The following COX7A2 variants were observed in gnomAD, a reference collection of about 807,000 sequenced individuals.
COX7A2 encodes the protein cytochrome c oxidase subunit 7A2, mitochondrial.
In COX7A2, 11 loss-of-function variants were observed where a neutral mutation model predicts 11.6. That is an observed-to-expected ratio of 0.95 (90% CI 0.60 to 1.57). The LOEUF is 1.57. COX7A2 is among the 40% of genes most tolerant of loss of function. The pLI is 0.00. For synonymous variants in COX7A2, 30 were observed against 38.2 expected, an observed-to-expected ratio of 0.78 and a Z score of 0.79; for missense variants, 106 against 100.9, an observed-to-expected ratio of 1.05 and a Z score of -0.22.
chr6:75,238,370 AAG>A (rs1771380323), intron 3 of COX7A2, among the ~76,000 whole-genome samples: 3 of 151,942 alleles, frequency 2.0e-5, no homozygotes, highest in African/African-American at 7.2e-5. Flanking sequence ...TGTAAAAAAA[AAG>A]AGTGATATAA....
rs140545681 is a variant in COX7A2 at position 75,239,032 on chromosome 6, C to T, written c.194-1044G>A. On this transcript the variant is annotated intron_variant, in intron 3 of 3. Transcript: ENST00000684430. The stretch of plus-strand genomic sequence containing the variant: ...GTTTCACCATGTGTGCCAGGCTAGT[C>T]TTGAACTCCTGACCTCAGGTGATCT... Among the ~76,000 whole-genome samples, 854 of 152,272 alleles carry T rather than the reference C, an allele frequency of 5.6e-3. 21 individuals carry two copies. The highest frequency in any genetic ancestry group is 0.044 in the Admixed American group (678 of 15,300).
intron 3 of COX7A2, among the ~76,000 whole-genome samples, chr6:75,238,318 GA>G (rs879502350): frequency 7.2e-4 from 109 of 151,104 alleles, no homozygotes; most frequent in Non-Finnish European, 1.3e-3. Flanking sequence ...AAATGCCAAA[GA>G]AAAAAAGAGT....
rs766705738 is a variant in COX7A2 at position 75,238,016 on chromosome 6, A to C, written c.194-28T>G. The C allele has an allele frequency of 4.8e-6, 7 of 1,470,638 alleles. No individual in the cohort carries two copies. In the East Asian group the frequency reaches 9.3e-5, roughly 19 times the overall value. The allele number at this position is 1,470,638 out of a possible 1,614,324, so 91.1% of individuals were successfully genotyped here. A position where few individuals can be genotyped will look rare whatever the true frequency, so the allele number is the denominator to read the frequency against. Reference sequence around the variant, plus strand: ...AAAAATAAAAAACAAAAAAGAACTTAACCATAAATTCTAAGATCTAAGTGT... The same window carrying C: ...AAAAATAAAAAACAAAAAAGAACTTCACCATAAATTCTAAGATCTAAGTGT... On this transcript the variant is annotated intron_variant, in intron 3 of 3. Coordinates refer to ENST00000684430, the MANE Select transcript of COX7A2 (RefSeq NM_001366293.2).
intron 3 of COX7A2, among the ~76,000 whole-genome samples, chr6:75,238,488 A>T (rs1198035112): frequency 2.6e-5 from 4 of 151,892 alleles, no homozygotes. Flanking sequence ...CGGGCGGATC[A>T]CCTGAGGTCA....
chr6:75,238,081 T>A, intron 3 of COX7A2, 93 bp from the exon 4 acceptor site: 1 of 757,186 alleles, frequency 1.3e-6, no homozygotes, highest in Non-Finnish European at 1.9e-6. Context: ...TAAGTTTGCA[T>A]TAAGACTACC....
intron 1 of COX7A2, among the ~76,000 whole-genome samples, chr6:75,242,131 C>T (rs2149511453): frequency 1.3e-5 from 2 of 151,874 alleles, no homozygotes; most frequent in East Asian, 1.9e-4. Flanking sequence ...ACCCGGGAGG[C>T]AGAGGTTGTG....
chr6:75,241,287 A>C, intron 1 of COX7A2, 22 bp from the exon 2 acceptor site: 2 of 1,502,856 alleles, frequency 1.3e-6, no homozygotes, highest in Non-Finnish European at 1.8e-6. Context: ...ATATTATTAA[A>C]TAGACTTAGA....
chr6:75,249,101 C>G, intron 1 of COX7A2, among the ~76,000 whole-genome samples: 1 of 152,014 alleles, frequency 6.6e-6, no homozygotes, highest in East Asian at 1.9e-4. Context: ...ACTAAAAATA[C>G]AAAAATTAGC....
At chr6:75,239,558 C>G (rs1429516722) in intron 3 of COX7A2, among the ~76,000 whole-genome samples, 1 of 152,244 alleles carries the variant, frequency 6.6e-6, no homozygotes, top group Non-Finnish European at 1.5e-5. Flanking sequence ...CATCCCTTCT[C>G]TTTACCTTCC....
chr6:75,243,633 A>C, intron 1 of COX7A2, 84 bp downstream of exon 1: 1 of 1,319,420 alleles, frequency 7.6e-7, no homozygotes, highest in Non-Finnish European at 1.1e-6. Context: ...CACCCCTCCC[A>C]GGTGAGGGTT....
At chr6:75,243,988 C>A, upstream of COX7A2, 1 of 620,926 alleles carries the variant, frequency 1.6e-6, no homozygotes, top group South Asian at 2.0e-5. Flanking sequence ...GTTCAGTAGG[C>A]TGGTCCCTGG....
chr6:75,245,065 A>G (rs1771650491), upstream of COX7A2, among the ~76,000 whole-genome samples: 1 of 152,170 alleles, frequency 6.6e-6, no homozygotes. Context: ...CCAACTCTAG[A>G]TTGTAAATTT....
At chr6:75,242,087 C>G (rs1771517896) in intron 1 of COX7A2, 2 of 149,636 alleles carry the variant, frequency 1.3e-5, no homozygotes, top group Admixed American at 1.3e-4. Flanking sequence ...GTAATCCCAG[C>G]TAATCGGGAG....
intron 1 of COX7A2, 54 bp from the exon 2 acceptor site, chr6:75,241,319 CA>C: frequency 7.2e-7 from 1 of 1,386,930 alleles, no homozygotes. Flanking sequence ...CCTTCAAAAC[CA>C]ACTATTTTCA....
upstream of COX7A2, among the ~76,000 whole-genome samples, chr6:75,245,955 T>C (rs1397745650): frequency 6.6e-6 from 1 of 152,184 alleles, no homozygotes; most frequent in Non-Finnish European, 1.5e-5. Flanking sequence ...CCTTCGGTGG[T>C]TCTCCTATTT....
At chr6:75,244,252 T>C (rs1264655542), upstream of COX7A2, among the ~76,000 whole-genome samples, 2 of 152,228 alleles carry the variant, frequency 1.3e-5, no homozygotes, top group Non-Finnish European at 2.9e-5. Flanking sequence ...ACCGAAGGAA[T>C]TGCTGCGGCA....
rs1180178456 is a variant in COX7A2, at chr6:75,240,313, G to A, written c.181C>T (p.Leu61Phe). 24 of 1,605,778 alleles carry A rather than the reference G, an allele frequency of 1.5e-5. No individual in the cohort carries two copies. Among genetic ancestry groups the A allele is most frequent in the Non-Finnish European group, 2.0e-5 (24 of 1,176,672 alleles). ...CCAAAGGCCTTACCACCAACTGTAA[G>A]AATCATGGTGGCTCTATACAGGAGG... ...DALLYRATMI[L>F]TVGGTAYAIY... is the part of the protein sequence containing the mutation. Residue 61 changes from leucine (L) to phenylalanine (F), a missense_variant, in exon 3 of 4, where the codon CTT (leucine) becomes TTT (phenylalanine). Transcript: ENST00000684430.
At position 75,238,456 on chromosome 6, in the gene COX7A2, C is replaced by T. The variant is rs151335169; in HGVS notation, c.194-468G>A. Among the ~76,000 whole-genome samples, 1,162 of 151,788 alleles carry T rather than the reference C, an allele frequency of 7.7e-3. 42 individuals are homozygous for T. The East Asian group carries it at 0.12, about 16-fold the overall frequency. On this transcript the variant is annotated intron_variant, in intron 3 of 3. Coordinates refer to ENST00000684430, the MANE Select transcript of COX7A2 (RefSeq NM_001366293.2). The stretch of plus-strand genomic sequence containing the variant: ...GGCATAGTTGCTGAAACCTGTAATC[C>T]CAGCACTTTGGGAGGCCGAGGCGGG...
At chr6:75,247,970 A>C (rs568942229), upstream of COX7A2, among the ~76,000 whole-genome samples, 2 of 152,322 alleles carry the variant, frequency 1.3e-5, no homozygotes, top group South Asian at 4.1e-4. Context: ...ATAATCAACT[A>C]AGAGCCAGGC....
Sources: gnomAD v4.1 joint callset for allele counts (sites outside exome capture counted in the v4.1 genomes callset) on GRCh38, gnomAD v4.1.1 for gene constraint, MANE v1.5 for transcripts, NCBI Gene and HGNC (gene_info 2026-07-23, HGNC 2026-07-21) for gene names.